BBX: variants seen among roughly 807,000 people sequenced by gnomAD.
BBX encodes the protein BBX high mobility group box domain containing, also known as HMG box transcription factor BBX.
Under a neutral mutation model 100.2 loss-of-function variants are expected in BBX, and 30 were observed. The observed-to-expected ratio is 0.30, with a 90% CI of 0.22 to 0.41. The LOEUF (loss-of-function observed/expected upper bound fraction) is 0.41. BBX is among the 10% of genes least tolerant of loss of function. The pLI is 1.00. For synonymous variants in BBX, 376 were observed against 388.1 expected (o/e 0.97, Z 0.37); for missense variants, 1,023 against 1,129.8 (o/e 0.91, Z 1.35).
At chr3:107,524,412 T>C (rs2047590141) in intron 1 of BBX, 1 of 152,080 alleles carries the variant, frequency 6.6e-6, no homozygotes, top group South Asian at 2.1e-4. Flanking sequence ...CCCTCTGAAA[T>C]TTATTATCAT....
In BBX at chr3:107,744,616, T is replaced by C; in HGVS notation, c.670-14T>C. 4 of 1,605,764 alleles carry C rather than the reference T, an allele frequency of 2.5e-6. No individual in the cohort carries two copies. The highest frequency in any genetic ancestry group is 3.4e-6 in the Non-Finnish European group (4 of 1,172,736). On this transcript the variant is annotated splice_polypyrimidine_tract_variant and intron_variant, in intron 7 of 17. Coordinates refer to ENST00000325805, the MANE Select transcript of BBX (RefSeq NM_001142568.3). The stretch of plus-strand genomic sequence containing the variant: ...ATAGTACAAAAGAAAATATGATATC[T>C]TTCTTTGTTTCAGGTATCCTCTGGC...
intron 5 of BBX, among the ~76,000 whole-genome samples, chr3:107,723,614 A>C (rs535844716): frequency 2.6e-5 from 4 of 151,632 alleles, no homozygotes; most frequent in Non-Finnish European, 5.9e-5. Context: ...CCTGTTTCCA[A>C]GTGTTCTCAT....
chr3:107,636,001 T>A (rs1576106791), intron 2 of BBX, among the ~76,000 whole-genome samples: 2 of 152,306 alleles, frequency 1.3e-5, no homozygotes, highest in South Asian at 4.1e-4. Flanking sequence ...TTAGCCACCG[T>A]GCCCGGAGTA....
chr3:107,711,455 T>G (rs2061717587), intron 4 of BBX: 1 of 383,282 alleles, frequency 2.6e-6, no homozygotes, highest in Admixed American at 3.2e-5. Flanking sequence ...GTTTTTAATA[T>G]TTTTCAGGCC....
chr3:107,783,368 CTAT>C (rs905148229), intron 13 of BBX, among the ~76,000 whole-genome samples: 1 of 151,612 alleles, frequency 6.6e-6, no homozygotes, highest in Non-Finnish European at 1.5e-5. Context: ...TACAAAACTA[CTAT>C]GATTGTTATT....
intron 13 of BBX, among the ~76,000 whole-genome samples, chr3:107,785,070 C>T (rs909116527): frequency 2.7e-5 from 4 of 150,308 alleles, no homozygotes; most frequent in African/African-American, 9.8e-5. Context: ...ATGAAATGAA[C>T]AATTCCTAAA....
intron 2 of BBX, among the ~76,000 whole-genome samples, chr3:107,547,537 A>G (rs945266840): frequency 6.6e-6 from 1 of 152,146 alleles, no homozygotes; most frequent in Non-Finnish European, 1.5e-5. Flanking sequence ...CATGAAACCT[A>G]TCCCAGTTGG....
chr3:107,572,548 G>T (rs1459665465), intron 2 of BBX, among the ~76,000 whole-genome samples: 1 of 152,040 alleles, frequency 6.6e-6, no homozygotes, highest in Non-Finnish European at 1.5e-5. Flanking sequence ...GTAACATTCT[G>T]ATCGTTAGTA....
At chr3:107,726,094 C>T (rs1251147830) in intron 5 of BBX, among the ~76,000 whole-genome samples, 1 of 151,948 alleles carries the variant, frequency 6.6e-6, no homozygotes, top group East Asian at 1.9e-4. Context: ...GATTGAACGG[C>T]ATGCTAATAA....
chr3:107,591,636 C>T (rs759483135), intron 2 of BBX, among the ~76,000 whole-genome samples: 13 of 152,136 alleles, frequency 8.5e-5, no homozygotes, highest in African/African-American at 2.9e-4. Context: ...CACAGGCATG[C>T]GCCAGTACGC....
chr3:107,643,052 G>A (rs754369702), intron 2 of BBX, among the ~76,000 whole-genome samples: 26 of 152,154 alleles, frequency 1.7e-4, no homozygotes, highest in Non-Finnish European at 3.1e-4. Context: ...ACATCAGGGT[G>A]CAAAACACAG....
chr3:107,604,111 C>T (rs910515818), intron 2 of BBX, among the ~76,000 whole-genome samples: 4 of 151,972 alleles, frequency 2.6e-5, no homozygotes, highest in African/African-American at 4.8e-5. Flanking sequence ...GGGCCTTTCC[C>T]GAGAGATTTT....
chr3:107,659,757 T>G (rs765087736), intron 3 of BBX: 1 of 1,281,066 alleles, frequency 7.8e-7, no homozygotes, highest in East Asian at 5.7e-5. Context: ...ATGAATGCAC[T>G]GTTTATTTTT....
intron 2 of BBX, among the ~76,000 whole-genome samples, chr3:107,551,628 T>C (rs1302268594): frequency 1.3e-5 from 2 of 152,246 alleles, no homozygotes; most frequent in Non-Finnish European, 2.9e-5. Flanking sequence ...AATATAGTCC[T>C]GAAAATTGTT....
intron 4 of BBX, among the ~76,000 whole-genome samples, chr3:107,714,286 C>A (rs201589502): frequency 6.6e-6 from 1 of 152,060 alleles, no homozygotes. Flanking sequence ...TTGTTTCTCA[C>A]AATGTAGCTC....
chr3:107,794,203 A>G (rs898708788), intron 15 of BBX, among the ~76,000 whole-genome samples: 2 of 152,106 alleles, frequency 1.3e-5, no homozygotes, highest in African/African-American at 2.4e-5. Context: ...GCTTTCATAT[A>G]TATGTATATA....
At chr3:107,562,860 A>G (rs1171453742) in intron 2 of BBX, among the ~76,000 whole-genome samples, 4 of 152,242 alleles carry the variant, frequency 2.6e-5, no homozygotes, top group East Asian at 1.9e-4. Flanking sequence ...AACAGAAAAT[A>G]ACTTTCAAAG....
chr3:107,763,306 G>A (rs188793097), intron 10 of BBX, among the ~76,000 whole-genome samples: 12 of 150,648 alleles, frequency 8.0e-5, no homozygotes, highest in Non-Finnish European at 1.0e-4. Context: ...CTCACTGCAA[G>A]CTCCGCCTCC....
At chr3:107,524,685 T>C (rs914885894) in intron 1 of BBX, 2 of 133,176 alleles carry the variant, frequency 1.5e-5, no homozygotes, top group Non-Finnish European at 3.1e-5. Context: ...GGAAGGAAAA[T>C]AAAGCGTGCA....
Sources: allele counts gnomAD v4.1 joint callset (sites outside exome capture counted in the v4.1 genomes callset), GRCh38; gene constraint gnomAD v4.1.1; transcripts MANE v1.5; gene names NCBI Gene and HGNC (gene_info 2026-07-23, HGNC 2026-07-21).